Variants in DLC1 observed in about 807,000 individuals in gnomAD.
The protein encoded by DLC1 is DLC1 Rho GTPase activating protein.
DLC1 carries 54 observed loss-of-function variants against 140.3 expected under a neutral mutation model. The observed-to-expected ratio is 0.38, with a 90% CI of 0.31 to 0.48. DLC1 has a LOEUF of 0.48. DLC1 is among the 20% of genes least tolerant of loss of function. DLC1 has a pLI of 0.96. For missense variants in DLC1, 2,536 were observed against 1,907.0 expected, an observed-to-expected ratio of 1.33 and a Z score of -6.14; for synonymous variants, 986 against 728.1, an observed-to-expected ratio of 1.35 and a Z score of -5.70.
intron 2 of DLC1, among the ~76,000 whole-genome samples, chr8:13,432,479 C>G (rs1838922819): frequency 6.6e-6 from 1 of 152,146 alleles, no homozygotes; most frequent in Non-Finnish European, 1.5e-5. Flanking sequence ...TATTATAACT[C>G]ATATACACAT....
chr8:13,270,599 A>G (rs1315174196), intron 5 of DLC1, among the ~76,000 whole-genome samples: 1 of 152,238 alleles, frequency 6.6e-6, no homozygotes, highest in Non-Finnish European at 1.5e-5. Flanking sequence ...CAATGTGTGG[A>G]ATCAGTTATT....
intron 1 of DLC1, among the ~76,000 whole-genome samples, chr8:13,565,863 G>GCA: frequency 6.6e-6 from 1 of 152,198 alleles, no homozygotes; most frequent in East Asian, 1.9e-4. Flanking sequence ...ACTCTACTGT[G>GCA]TTTTTTAAAT....
chr8:13,407,257 A>G (rs1053596699), intron 2 of DLC1, among the ~76,000 whole-genome samples: 5 of 152,190 alleles, frequency 3.3e-5, no homozygotes, highest in Non-Finnish European at 2.9e-5. Flanking sequence ...TCTGGGGAAG[A>G]TGAATAGGGT....
intron 5 of DLC1, among the ~76,000 whole-genome samples, chr8:13,123,329 C>A (rs2128956981): frequency 6.6e-6 from 1 of 151,564 alleles, no homozygotes; most frequent in Middle Eastern, 3.4e-3. Flanking sequence ...GCTCCCTGCA[C>A]CCCCCGCCCC....
intron 1 of DLC1, among the ~76,000 whole-genome samples, chr8:13,574,434 A>C (rs1384767056): frequency 6.6e-6 from 1 of 152,082 alleles, no homozygotes; most frequent in African/African-American, 2.4e-5. Context: ...AGGGGGTTGG[A>C]TATCTTTTCT....
At chr8:13,261,808 G>A (rs1563206428) in intron 5 of DLC1, among the ~76,000 whole-genome samples, 1 of 152,180 alleles carries the variant, frequency 6.6e-6, no homozygotes, top group Non-Finnish European at 1.5e-5. Context: ...CTCAATTTTT[G>A]ACATGTTATG....
intron 4 of DLC1, among the ~76,000 whole-genome samples, chr8:13,312,740 G>A (rs71522339): frequency 6.6e-6 from 1 of 151,948 alleles, no homozygotes; most frequent in Non-Finnish European, 1.5e-5. Flanking sequence ...AAATTCTTCA[G>A]AATTATTATT....
rs929788084 is a variant in DLC1 at position 13,100,517 on chromosome 8, G to A, written c.1820C>T (p.Ala607Val). 6.2e-7 allele frequency: 1 copy of A among 1,612,460 alleles called. No homozygotes were observed. Among genetic ancestry groups the A allele is most frequent in the Admixed American group, 1.7e-5 (1 of 60,020 alleles). Reference protein sequence around the residue: ...LSSTGSLPSHAPPSEDAATPR... With the variant: ...LSSTGSLPSHVPPSEDAATPR... ...GGTGGCAGCATCCTCGCTGGGGGGC[G>A]CGTGGCTGGGGAGGCTGCCAGTGCT... The change falls in exon 9 of 18, where the codon GCG becomes GTG. Residue 607 changes from alanine (A) to valine (V), a missense_variant. Transcript: ENST00000276297.
chr8:13,241,261 C>T (rs1455975378), intron 5 of DLC1, among the ~76,000 whole-genome samples: 1 of 152,182 alleles, frequency 6.6e-6, no homozygotes, highest in Non-Finnish European at 1.5e-5. Context: ...GAGGTGAGAA[C>T]TGCTTTCAAT....
intron 1 of DLC1, among the ~76,000 whole-genome samples, chr8:13,570,240 C>T (rs1303710508): frequency 6.6e-6 from 1 of 151,978 alleles, no homozygotes; most frequent in Non-Finnish European, 1.5e-5. Context: ...CTTCCCTGAG[C>T]TCTTTTGTGT....
chr8:13,351,314 C>G (rs891845094), intron 4 of DLC1, among the ~76,000 whole-genome samples: 1 of 152,178 alleles, frequency 6.6e-6, no homozygotes, highest in South Asian at 2.1e-4. Flanking sequence ...ATTTAAGTAA[C>G]TAATGTCACA....
chr8:13,459,001 A>G (rs913429191), intron 2 of DLC1, among the ~76,000 whole-genome samples: 3 of 152,218 alleles, frequency 2.0e-5, no homozygotes, highest in Non-Finnish European at 4.4e-5. Context: ...AAAAATTTTG[A>G]TTCAATTCTA....
chr8:13,560,502 T>C (rs1019802520), intron 1 of DLC1, among the ~76,000 whole-genome samples: 1 of 152,138 alleles, frequency 6.6e-6, no homozygotes, highest in Non-Finnish European at 1.5e-5. Flanking sequence ...ATTTTATTTT[T>C]CTCACTTAGA....
At chr8:13,501,527 A>G (rs1461566367) in intron 1 of DLC1, among the ~76,000 whole-genome samples, 2 of 152,218 alleles carry the variant, frequency 1.3e-5, no homozygotes, top group East Asian at 3.9e-4. Context: ...ATTAACTGCT[A>G]TACTGATTTT....
At chr8:13,107,600 A>C (rs909839765) in intron 7 of DLC1, among the ~76,000 whole-genome samples, 4 of 152,254 alleles carry the variant, frequency 2.6e-5, no homozygotes, top group Non-Finnish European at 5.9e-5. Context: ...TTCAAATAAT[A>C]CTGGAGCTTC....
At chr8:13,162,310 T>TTTGTTG (rs142702369) in intron 5 of DLC1, among the ~76,000 whole-genome samples, 1 of 151,226 alleles carries the variant, frequency 6.6e-6, no homozygotes, top group Non-Finnish European at 1.5e-5. Context: ...TAGTCTACAG[T>TTTGTTG]TTGTTGTTGT....
intron 2 of DLC1, among the ~76,000 whole-genome samples, chr8:13,498,505 T>C (rs1220845397): frequency 6.6e-6 from 1 of 152,142 alleles, no homozygotes; most frequent in Non-Finnish European, 1.5e-5. Flanking sequence ...TGATGGTGAG[T>C]GTGCCAGGGT....
At chr8:13,524,562 A>G (rs1175305764) in intron 1 of DLC1, among the ~76,000 whole-genome samples, 1 of 152,226 alleles carries the variant, frequency 6.6e-6, no homozygotes, top group East Asian at 1.9e-4. Context: ...AGTCATCTGC[A>G]TGATTTTTTA....
intron 2 of DLC1, among the ~76,000 whole-genome samples, chr8:13,445,838 C>T (rs1269445094): frequency 6.6e-6 from 1 of 151,990 alleles, no homozygotes; most frequent in Non-Finnish European, 1.5e-5. Flanking sequence ...TCCAAGGAGC[C>T]AAAGTTAAGC....
Sources: allele counts gnomAD v4.1 joint callset (sites outside exome capture counted in the v4.1 genomes callset), GRCh38; gene constraint gnomAD v4.1.1; transcripts MANE v1.5; gene names NCBI Gene and HGNC (gene_info 2026-07-23, HGNC 2026-07-21).